Variants in GSTM1 observed in about 807,000 individuals in gnomAD.
The protein encoded by GSTM1 is glutathione S-transferase mu 1.
A neutral mutation model predicts 17.3 loss-of-function variants in GSTM1; 6 were observed. That is an observed-to-expected ratio of 0.35 (90% CI 0.19 to 0.68). The LOEUF (loss-of-function observed/expected upper bound fraction) is 0.68, where lower values mean the gene tolerates loss of function less well. GSTM1 is among the 30% of genes least tolerant of loss of function. The probability of loss-of-function intolerance (pLI) is 0.65; values close to 1 mark genes in which losing one functional copy is unlikely to be tolerated. For missense variants in GSTM1, 62 were observed against 155.9 expected, an observed-to-expected ratio of 0.40 and a Z score of 3.21; for synonymous variants, 20 against 53.6, an observed-to-expected ratio of 0.37 and a Z score of 2.74.
chr1:109,689,196 A>G lies in GSTM1; in HGVS notation c.260-29A>G, dbSNP rs1185197632. On this transcript the variant is annotated intron_variant, in intron 4 of 7. Coordinates refer to ENST00000309851, the MANE Select transcript of GSTM1 (RefSeq NM_000561.4). ...CCTCCTTGGCTGGGCTGTGATGCTG[A>G]GATTGAGTCTGTGTTTTGTGGGTGG... The G allele has an allele frequency of 2.5e-6, 2 of 792,932 alleles. 1 individual carries two copies. Among genetic ancestry groups the G allele is most frequent in the South Asian group, 3.7e-5 (2 of 54,478 alleles). The allele number at this position is 792,932 out of a possible 1,614,324, so 49.1% of individuals were successfully genotyped here.
chr1:109,691,225 C>CTT (rs140454046), intron 7 of GSTM1, among the ~76,000 whole-genome samples: 283 of 18,212 alleles, frequency 0.016, no homozygotes, highest in Non-Finnish European at 0.018. Context: ...CACCTCTATT[C>CTT]TTTTTTTTTT....
chr1:109,690,621 G>A, intron 7 of GSTM1, 57 bp downstream of exon 7: 1 of 794,906 alleles, frequency 1.3e-6, no homozygotes, highest in Non-Finnish European at 1.8e-6. Context: ...CCTCCTTTCA[G>A]ATGTTTTCCC....
intron 7 of GSTM1, among the ~76,000 whole-genome samples, chr1:109,691,225 C>CTTT (rs140454046): frequency 5.3e-3 from 97 of 18,220 alleles, no homozygotes; most frequent in South Asian, 6.8e-3. Context: ...CACCTCTATT[C>CTTT]TTTTTTTTTT....
chr1:109,692,770 G>A lies in GSTM1; in HGVS notation c.568-436G>A, dbSNP rs113542875. 3.0e-4 allele frequency among the ~76,000 whole-genome samples: 24 copies of A among 80,402 alleles called. 7 individuals are homozygous for A. In the South Asian group the frequency reaches 8.7e-3, roughly 29 times the overall value. The allele number at this position is 80,402 out of a possible 152,430, so 52.7% of individuals were successfully genotyped here. ...GCAGAAGAAGAAGAGAATTTGTCAG[G>A]AAGAGGCCAGAACTGGAGAGAGACA... On this transcript the variant is annotated intron_variant, in intron 7 of 7. Coordinates refer to ENST00000309851, the MANE Select transcript of GSTM1 (RefSeq NM_000561.4).
Position 109,691,811 on chromosome 1 carries a change from C to A in GSTM1, c.567+1247C>A, listed in dbSNP as rs1648105625. On this transcript the variant is annotated intron_variant, in intron 7 of 7. Coordinates refer to ENST00000309851, the MANE Select transcript of GSTM1 (RefSeq NM_000561.4). Reference sequence around the variant, plus strand: ...GCTGATCTTGTTTCAGAGCACAAATCCTACTTTAGTACAGATCTGGGAATT... The same window carrying A: ...GCTGATCTTGTTTCAGAGCACAAATACTACTTTAGTACAGATCTGGGAATT... Among the ~76,000 whole-genome samples, 2 of 81,924 alleles carry A rather than the reference C, an allele frequency of 2.4e-5. 1 individual carries two copies. Among genetic ancestry groups the A allele is most frequent in the Admixed American group, 2.6e-4 (2 of 7,766 alleles). 53.7% of individuals were successfully genotyped at this position (81,924 alleles called of 152,430 possible).
Position 109,689,197 on chromosome 1 carries a change from G to A in GSTM1, c.260-28G>A. Reference sequence around the variant, plus strand: ...CTCCTTGGCTGGGCTGTGATGCTGAGATTGAGTCTGTGTTTTGTGGGTGGC... The same window carrying A: ...CTCCTTGGCTGGGCTGTGATGCTGAAATTGAGTCTGTGTTTTGTGGGTGGC... On this transcript the variant is annotated intron_variant, in intron 4 of 7. Coordinates refer to ENST00000309851, the MANE Select transcript of GSTM1 (RefSeq NM_000561.4). 2.5e-6 allele frequency: 2 copies of A among 793,688 alleles called. 1 individual carries two copies. Among genetic ancestry groups the A allele is most frequent in the African/African-American group, 3.8e-5 (2 of 53,198 alleles). The allele number at this position is 793,688 out of a possible 1,614,324, so 49.2% of individuals were successfully genotyped here. A position where few individuals can be genotyped will look rare whatever the true frequency, so the allele number is the denominator to read the frequency against.
chr1:109,688,907 C>A, intron 3 of GSTM1, 141 bp from the exon 4 acceptor site: 1 of 494,236 alleles, frequency 2.0e-6, no homozygotes, highest in South Asian at 2.1e-5. Context: ...TGCATTCGTT[C>A]ATGTGACAGT....
At position 109,690,200 on chromosome 1, in the gene GSTM1, C is replaced by T; in HGVS notation, c.361-71C>T. On this transcript the variant is annotated intron_variant, in intron 5 of 7. Transcript: ENST00000309851. The stretch of plus-strand genomic sequence containing the variant: ...GCCCATGGCCAGCCTGGGCCGTCCA[C>T]AGCCCCGGGGAGGCCACGTCTGTGC... 3.6e-6 allele frequency: 2 copies of T among 556,174 alleles called. 1 individual carries two copies. The highest frequency in any genetic ancestry group is 4.1e-5 in the South Asian group (2 of 48,376). The allele number at this position is 556,174 out of a possible 1,614,324, so 34.5% of individuals were successfully genotyped here. A position where few individuals can be genotyped will look rare whatever the true frequency, so the allele number is the denominator to read the frequency against.
chr1:109,687,822 C>G lies in GSTM1; in HGVS notation c.-52C>G. ...GTCCCCTCTCCGGAGCTCTTATACT[C>G]TGAGCCCTGCTCGGTTTAGGCCTGT... On this transcript the variant is annotated 5_prime_UTR_variant, in exon 1 of 8. Coordinates refer to ENST00000309851, the MANE Select transcript of GSTM1 (RefSeq NM_000561.4). The G allele has an allele frequency of 1.5e-6, 1 of 681,892 alleles. No individual in the cohort carries two copies. Among genetic ancestry groups the G allele is most frequent in the African/African-American group, 2.0e-5 (1 of 51,160 alleles). The allele number at this position is 681,892 out of a possible 1,614,324, so 42.2% of individuals were successfully genotyped here.
chr1:109,689,476 T>C (rs1268433185), intron 5 of GSTM1, 151 bp downstream of exon 5: 1 of 325,196 alleles, frequency 3.1e-6, no homozygotes, highest in Non-Finnish European at 6.0e-6. Flanking sequence ...GACTCCAATG[T>C]CATGTCAACA....
In GSTM1 at chr1:109,687,925, C is replaced by T. The variant is rs771391508; in HGVS notation, c.36+16C>T. On this transcript the variant is annotated intron_variant, in intron 1 of 7. Transcript: ENST00000309851. ...CATCCGCGGGGTGAGCGAGGGTCCGCTGGACGGTGGGACGAGGGCGCAGGG... is the reference window on the plus strand; with the variant it reads ...CATCCGCGGGGTGAGCGAGGGTCCGTTGGACGGTGGGACGAGGGCGCAGGG... 1.3e-5 allele frequency: 10 copies of T among 785,282 alleles called. 4 individuals carry two copies. The highest frequency in any genetic ancestry group is 1.8e-5 in the Non-Finnish European group (10 of 540,922). 48.6% of individuals were successfully genotyped at this position (785,282 alleles called of 1,614,324 possible). A position where few individuals can be genotyped will look rare whatever the true frequency, so the allele number is the denominator to read the frequency against.
chr1:109,690,606 C>T (rs1435321694), intron 7 of GSTM1, 42 bp downstream of exon 7: 1 of 804,086 alleles, frequency 1.2e-6, no homozygotes, highest in Admixed American at 3.1e-5. Context: ...CCCCTTGTTC[C>T]GTTACCTCCT....
In GSTM1 at chr1:109,689,383, G is replaced by A; in HGVS notation, c.360+58G>A. 1.9e-5 allele frequency: 9 copies of A among 479,000 alleles called. 3 individuals carry two copies. Among genetic ancestry groups the A allele is most frequent in the Non-Finnish European group, 3.2e-5 (9 of 279,182 alleles). 29.7% of individuals were successfully genotyped at this position (479,000 alleles called of 1,614,324 possible). On this transcript the variant is annotated intron_variant, in intron 5 of 7. Coordinates refer to ENST00000309851, the MANE Select transcript of GSTM1 (RefSeq NM_000561.4). ...GTTTGGATTTGGGGCCAGGACTCTTGCATTCCTGCACACACTGGTCTTAAG... is the reference window on the plus strand; with the variant it reads ...GTTTGGATTTGGGGCCAGGACTCTTACATTCCTGCACACACTGGTCTTAAG...
At position 109,689,167 on chromosome 1, in the gene GSTM1, GCCT is replaced by G. The variant is rs1557964122; in HGVS notation, c.259+45_259+47del. 7 of 793,618 alleles carry G rather than the reference GCCT, an allele frequency of 8.8e-6. 2 individuals carry two copies. The highest frequency in any genetic ancestry group is 9.1e-6 in the Non-Finnish European group (5 of 549,688). 49.2% of individuals were successfully genotyped at this position (793,618 alleles called of 1,614,324 possible). A position where few individuals can be genotyped will look rare whatever the true frequency, so the allele number is the denominator to read the frequency against. On this transcript the variant is annotated intron_variant, in intron 4 of 7. Coordinates refer to ENST00000309851, the MANE Select transcript of GSTM1 (RefSeq NM_000561.4). ...GGCTGCAATGTGTGGGGGGAAGGTGGCCTCCTCCTTGGCTGGGCTGTGATGCTG... is the reference window on the plus strand; with the variant it reads ...GGCTGCAATGTGTGGGGGGAAGGTGGCCTCCTTGGCTGGGCTGTGATGCTG...
In GSTM1 at chr1:109,691,239, T is replaced by G. The variant is rs1485824244; in HGVS notation, c.567+675T>G. On this transcript the variant is annotated intron_variant, in intron 7 of 7. Coordinates refer to ENST00000309851, the MANE Select transcript of GSTM1 (RefSeq NM_000561.4). ...CCACCTCTATTCTTTTTTTTTTTTT[T>G]TTTTTTTTTTTGTGCTGGAGTCTTG... 1.6e-4 allele frequency among the ~76,000 whole-genome samples: 8 copies of G among 50,314 alleles called. 3 individuals are homozygous for G. Among genetic ancestry groups the G allele is most frequent in the Admixed American group, 8.7e-4 (4 of 4,594 alleles). The allele number at this position is 50,314 out of a possible 152,430, so 33.0% of individuals were successfully genotyped here. A position where few individuals can be genotyped will look rare whatever the true frequency, so the allele number is the denominator to read the frequency against.
intron 2 of GSTM1, 197 bp downstream of exon 2, chr1:109,688,442 A>C: frequency 2.6e-6 from 1 of 386,542 alleles, no homozygotes; most frequent in Non-Finnish European, 4.8e-6. Context: ...CCCCTGTCTA[A>C]TTGGGACGGG....
In GSTM1 at chr1:109,687,978, G is replaced by T. The variant is rs1186179684; in HGVS notation, c.36+69G>T. The T allele has an allele frequency of 1.3e-5, 9 of 702,576 alleles. 3 individuals carry two copies. The highest frequency in any genetic ancestry group is 1.9e-5 in the Non-Finnish European group (9 of 466,632). The allele number at this position is 702,576 out of a possible 1,614,324, so 43.5% of individuals were successfully genotyped here. ...GGGAAGTGCGAAGCAGCTGCGGGAC[G>T]GACTCTAGGGACCGTTCCTCTTCAG... On this transcript the variant is annotated intron_variant, in intron 1 of 7. Coordinates refer to ENST00000309851, the MANE Select transcript of GSTM1 (RefSeq NM_000561.4).
At position 109,691,906 on chromosome 1, in the gene GSTM1, T is replaced by C. The variant is rs114464176; in HGVS notation, c.568-1300T>C. Among the ~76,000 whole-genome samples, 658 of 80,886 alleles carry C rather than the reference T, an allele frequency of 8.1e-3. 221 individuals carry two copies. The highest frequency in any genetic ancestry group is 0.02 in the African/African-American group (561 of 28,514). The allele number at this position is 80,886 out of a possible 152,430, so 53.1% of individuals were successfully genotyped here. On this transcript the variant is annotated intron_variant, in intron 7 of 7. Coordinates refer to ENST00000309851, the MANE Select transcript of GSTM1 (RefSeq NM_000561.4). ...CTTTCCCATCAAGAAATCTGCTTGC[T>C]CAGCTAGTTCCCATCAGCTCTGGTT...
In GSTM1 at chr1:109,692,345, G is replaced by A. The variant is rs1435726176; in HGVS notation, c.568-861G>A. Among the ~76,000 whole-genome samples the A allele has an allele frequency of 7.6e-5, 6 of 78,696 alleles. 3 individuals carry two copies. The highest frequency in any genetic ancestry group is 1.9e-4 in the Non-Finnish European group (6 of 30,836). 51.6% of individuals were successfully genotyped at this position (78,696 alleles called of 152,430 possible). ...TGTGCTGGGATTACAGGTGTGAGCC[G>A]GATGTTTTTGAATACCTTATCTGGG... is the stretch of plus-strand genomic sequence containing the variant. On this transcript the variant is annotated intron_variant, in intron 7 of 7. Coordinates refer to ENST00000309851, the MANE Select transcript of GSTM1 (RefSeq NM_000561.4).
Sources: allele counts gnomAD v4.1 joint callset (sites outside exome capture counted in the v4.1 genomes callset), GRCh38; gene constraint gnomAD v4.1.1; transcripts MANE v1.5; gene names NCBI Gene and HGNC (gene_info 2026-07-23, HGNC 2026-07-21).